CLEC18B: variants seen among roughly 807,000 people sequenced by gnomAD.
CLEC18B encodes the protein C-type lectin domain family 18 member B, also known as mannose receptor-like 2.
Under a neutral mutation model 60.4 loss-of-function variants are expected in CLEC18B, and 5 were observed. The ratio of observed to expected loss-of-function variants is 0.08; its 90% CI spans 0.04 to 0.17. The LOEUF is 0.17. Among genes scored for constraint, CLEC18B ranks in the 10% least tolerant of loss-of-function variants. CLEC18B has a pLI of 1.00. For synonymous variants in CLEC18B, 16 were observed against 221.2 expected (o/e 0.07, Z 8.23); for missense variants, 26 against 572.8 (o/e 0.05, Z 9.74).
At chr16:74,423,089 G>A (rs1327744087), upstream of CLEC18B, among the ~76,000 whole-genome samples, 1 of 129,708 alleles carries the variant, frequency 7.7e-6, no homozygotes, top group Non-Finnish European at 1.6e-5. Flanking sequence ...AACGGGCTTA[G>A]TGTGTCTAAG....
intron 7 of CLEC18B, 178 bp downstream of exon 7, chr16:74,411,964 CCATGGTTTATAG>C (rs2013179416): frequency 1.4e-6 from 2 of 1,448,568 alleles, no homozygotes; most frequent in South Asian, 2.4e-5. Context: ...AAAAAAAAAT[CCATGGTTTATAG>C]CATTTGCCAA....
chr16:74,414,165 G>A (rs567577829), intron 3 of CLEC18B, among the ~76,000 whole-genome samples: 30 of 152,400 alleles, frequency 2.0e-4, no homozygotes, highest in Non-Finnish European at 8.8e-5. Context: ...GTGAGCCACC[G>A]TGCCCAGCCT....
upstream of CLEC18B, among the ~76,000 whole-genome samples, chr16:74,424,136 T>C (rs2013762112): frequency 6.6e-6 from 1 of 152,218 alleles, no homozygotes; most frequent in African/African-American, 2.4e-5. Context: ...CTCCAGCTCA[T>C]GCATAGCTGA....
At position 74,421,424 on chromosome 16, in the gene CLEC18B, G is replaced by A. The variant is rs557903784; in HGVS notation, c.-154C>T. On this transcript the variant is annotated 5_prime_UTR_variant, in exon 1 of 12. Coordinates refer to ENST00000682950, the MANE Select transcript of CLEC18B (RefSeq NM_001385193.1). ...TGGTGAACAAAAGAAGGAGGCTGGT[G>A]AGTGAGTAATCAGTGTGTCCAGACA... The A allele has an allele frequency of 3.0e-5, 47 of 1,550,252 alleles. 1 individual carries two copies. The East Asian group carries it at 1.1e-3, about 36-fold the overall frequency.
intron 3 of CLEC18B, among the ~76,000 whole-genome samples, chr16:74,416,192 G>A (rs868335873): frequency 4.9e-4 from 74 of 149,822 alleles, no homozygotes; most frequent in Admixed American, 1.3e-3. Context: ...GAACCCAGGA[G>A]GCGGAGCTTG....
At chr16:74,421,680 G>A (rs2013694343), upstream of CLEC18B, 32 of 377,614 alleles carry the variant, frequency 8.5e-5, 1 homozygote, top group South Asian at 8.1e-4. Context: ...CCGTGTCCTG[G>A]CTGGGACAGT....
At chr16:74,424,122 C>G (rs1232640741), upstream of CLEC18B, among the ~76,000 whole-genome samples, 1 of 152,208 alleles carries the variant, frequency 6.6e-6, no homozygotes, top group Admixed American at 6.5e-5. Context: ...TCTATCCCAC[C>G]CCTCTCCAGC....
At chr16:74,418,838 G>A (rs1322294834) in intron 2 of CLEC18B, among the ~76,000 whole-genome samples, 9 of 138,188 alleles carry the variant, frequency 6.5e-5, no homozygotes, top group Non-Finnish European at 7.6e-5. Context: ...CTGTCGCCCA[G>A]GCTGGAGTGC....
At chr16:74,423,613 T>C (rs544811123), upstream of CLEC18B, among the ~76,000 whole-genome samples, 207 of 151,970 alleles carry the variant, frequency 1.4e-3, 1 homozygote, top group South Asian at 0.015. Flanking sequence ...TGCTTGAATC[T>C]GGGAGGCGGA....
chr16:74,415,970 A>G (rs1416180853), intron 3 of CLEC18B, among the ~76,000 whole-genome samples: 2 of 152,170 alleles, frequency 1.3e-5, no homozygotes, highest in Non-Finnish European at 2.9e-5. Context: ...ACAAAACTTA[A>G]GGAGCCAAGG....
rs1375295923 is a variant in CLEC18B at position 74,409,340 on chromosome 16, C to T, written c.1303+210G>A. ...AGAGCTGTAGCTCTAGTCCTTCCTG[C>T]GTGGCCTTGCTGTATGAAGCTGGGC... On this transcript the variant is annotated intron_variant, in intron 11 of 11. Coordinates refer to ENST00000682950, the MANE Select transcript of CLEC18B (RefSeq NM_001385193.1). 4.7e-5 allele frequency among the ~76,000 whole-genome samples: 7 copies of T among 148,360 alleles called. No homozygotes were observed. The East Asian group carries it at 1.4e-3, about 29-fold the overall frequency.
chr16:74,420,851 A>G (rs1026619815), intron 1 of CLEC18B, among the ~76,000 whole-genome samples: 1 of 116,900 alleles, frequency 8.6e-6, no homozygotes, highest in Non-Finnish European at 1.8e-5. Context: ...TGGCTCCCGC[A>G]GGCCCCTGTC....
At chr16:74,423,702 C>CA (rs377282706), upstream of CLEC18B, among the ~76,000 whole-genome samples, 11,293 of 101,386 alleles carry the variant, frequency 0.11, 389 homozygotes, top group Non-Finnish European at 0.12. Flanking sequence ...CCCGACCCCT[C>CA]AAAAAAAAAA....
chr16:74,410,126 T>C (rs1169406874), intron 10 of CLEC18B, among the ~76,000 whole-genome samples: 3 of 152,270 alleles, frequency 2.0e-5, no homozygotes, highest in East Asian at 3.8e-4. Context: ...TGCTACAGGA[T>C]GGCTGGTGGG....
intron 4 of CLEC18B, 106 bp from the exon 5 acceptor site, chr16:74,413,264 C>G (rs2013265675): frequency 6.2e-7 from 1 of 1,609,662 alleles, no homozygotes; most frequent in African/African-American, 1.3e-5. Context: ...CTCCTGCGGC[C>G]AGGCCAGGGA....
upstream of CLEC18B, chr16:74,422,383 C>T (rs1190793498): frequency 6.6e-6 from 1 of 152,110 alleles, no homozygotes; most frequent in Non-Finnish European, 1.5e-5. Context: ...CCCCTGGCCC[C>T]TGAGCCCACA....
intron 10 of CLEC18B, among the ~76,000 whole-genome samples, chr16:74,410,173 G>A (rs557476151): frequency 1.3e-5 from 2 of 152,412 alleles, no homozygotes; most frequent in South Asian, 2.1e-4. Flanking sequence ...ATGAGTGCAG[G>A]TGGGTGACAG....
upstream of CLEC18B, among the ~76,000 whole-genome samples, chr16:74,422,819 T>C (rs199895842): frequency 6.6e-6 from 1 of 151,878 alleles, no homozygotes; most frequent in Non-Finnish European, 1.5e-5. Context: ...TGTGCCACCA[T>C]GCCTGGCTAA....
chr16:74,423,594 CAGG>C (rs2142779033), upstream of CLEC18B, among the ~76,000 whole-genome samples: 1 of 152,212 alleles, frequency 6.6e-6, no homozygotes, highest in South Asian at 2.1e-4. Context: ...TAGGCTGAGG[CAGG>C]AGAATTGCTT....
Sources: gnomAD v4.1 joint callset for allele counts (sites outside exome capture counted in the v4.1 genomes callset) on GRCh38, gnomAD v4.1.1 for gene constraint, MANE v1.5 for transcripts, NCBI Gene and HGNC (gene_info 2026-07-23, HGNC 2026-07-21) for gene names.